Variants in SUZ12 observed in about 807,000 individuals in gnomAD.
The protein encoded by SUZ12 is SUZ12 polycomb repressive complex 2 subunit, also known as polycomb protein SUZ12.
In SUZ12, 17 loss-of-function variants were observed where a neutral mutation model predicts 87.3. The ratio of observed to expected loss-of-function variants is 0.19; its 90% CI spans 0.13 to 0.29. The LOEUF (loss-of-function observed/expected upper bound fraction) is 0.29. Ranked by LOEUF, SUZ12 falls within the 10% of genes least tolerant of loss-of-function variation. The pLI, the probability that SUZ12 is intolerant of heterozygous loss-of-function variation, is 1.00. For missense variants in SUZ12, 526 were observed against 912.2 expected, an observed-to-expected ratio of 0.58 and a Z score of 5.45; for synonymous variants, 253 against 312.4, an observed-to-expected ratio of 0.81 and a Z score of 2.01.
intron 3 of SUZ12, among the ~76,000 whole-genome samples, chr17:31,943,806 T>TTCTGCCTCAGC (rs1422332265): frequency 6.6e-6 from 1 of 151,894 alleles, no homozygotes; most frequent in East Asian, 1.9e-4. Context: ...GTTCAAGCAA[T>TTCTGCCTCAGC]TCTGCCTCAG....
chr17:31,941,812 G>T (rs1906304337), intron 3 of SUZ12, among the ~76,000 whole-genome samples: 1 of 151,828 alleles, frequency 6.6e-6, no homozygotes, highest in Non-Finnish European at 1.5e-5. Context: ...GCCTCCCAAA[G>T]TGCTGGCATT....
At chr17:31,976,753 A>T (rs1441954210) in intron 8 of SUZ12, 139 bp downstream of exon 8, 1 of 655,910 alleles carries the variant, frequency 1.5e-6, no homozygotes, top group African/African-American at 1.8e-5. Context: ...AAATTTGCAA[A>T]CACTGAATTT....
intron 1 of SUZ12, 63 bp downstream of exon 1, chr17:31,937,583 C>G (rs1326198873): frequency 6.6e-7 from 1 of 1,521,344 alleles, no homozygotes; most frequent in Middle Eastern, 2.3e-4. Flanking sequence ...GGATGGGACA[C>G]TCTGCTGGGC....
At position 31,976,425 on chromosome 17, in the gene SUZ12, T is replaced by C. The variant is rs1227417384; in HGVS notation, c.824-96T>C. The C allele has an allele frequency of 6.0e-6, 6 of 995,402 alleles. No homozygotes were observed. In the African/African-American group the frequency reaches 9.8e-5, roughly 16 times the overall value. 61.7% of individuals were successfully genotyped at this position (995,402 alleles called of 1,614,324 possible). ...ACTTTAGTGTAATTCGTACCTCATT[T>C]GGGATAAATGTAGCATGTTTTATGT... On this transcript the variant is annotated intron_variant, in intron 7 of 15. Transcript: ENST00000322652.
chr17:31,974,819 TAA>T (rs1908648873), intron 6 of SUZ12, among the ~76,000 whole-genome samples: 1 of 152,200 alleles, frequency 6.6e-6, no homozygotes, highest in Non-Finnish European at 1.5e-5. Flanking sequence ...GATACTGTCA[TAA>T]AAGTCTTCTG....
intron 4 of SUZ12, among the ~76,000 whole-genome samples, chr17:31,956,511 T>C (rs542779888): frequency 2.0e-5 from 3 of 152,224 alleles, no homozygotes; most frequent in South Asian, 4.1e-4. Context: ...TATATAGTTA[T>C]TGTTTCTGCA....
chr17:31,983,445 A>G (rs1909229311), intron 9 of SUZ12, among the ~76,000 whole-genome samples: 1 of 145,468 alleles, frequency 6.9e-6, no homozygotes, highest in Admixed American at 6.7e-5. Context: ...ACGCCTGGCT[A>G]ATTTTTTTTT....
rs1458827007 is a variant in SUZ12 at position 31,937,150 on chromosome 17, C to G, written c.-97C>G. On this transcript the variant is annotated 5_prime_UTR_variant, in exon 1 of 16. Transcript: ENST00000322652. ...CTCTCTCCTCCTTCCCCCCTCGGTCCGCCGGAGCCTGCTGGGGCGAGCGGT... is the reference window on the plus strand; with the variant it reads ...CTCTCTCCTCCTTCCCCCCTCGGTCGGCCGGAGCCTGCTGGGGCGAGCGGT... The G allele has an allele frequency of 8.1e-6, 9 of 1,105,230 alleles. No homozygotes were observed. The South Asian group carries it at 1.8e-4, about 23-fold the overall frequency. The allele number at this position is 1,105,230 out of a possible 1,614,324, so 68.5% of individuals were successfully genotyped here. A position where few individuals can be genotyped will look rare whatever the true frequency, so the allele number is the denominator to read the frequency against.
At chr17:31,974,377 A>C (rs1247292498) in intron 6 of SUZ12, among the ~76,000 whole-genome samples, 2 of 152,186 alleles carry the variant, frequency 1.3e-5, no homozygotes, top group Non-Finnish European at 2.9e-5. Context: ...AATATAAAAA[A>C]TTAGCCAGGC....
intron 4 of SUZ12, among the ~76,000 whole-genome samples, chr17:31,957,895 CTTTTTTTTTTTTT>C (rs1181314058): frequency 9.9e-5 from 9 of 91,330 alleles, no homozygotes; most frequent in African/African-American, 8.1e-5. Flanking sequence ...ACCTTTTGTC[CTTTTTTTTTTTTT>C]TTTTTTTTTT....
chr17:31,958,138 A>G (rs999153876), intron 4 of SUZ12, among the ~76,000 whole-genome samples: 17 of 149,598 alleles, frequency 1.1e-4, no homozygotes, highest in African/African-American at 3.9e-4. Flanking sequence ...TCCTGACCTC[A>G]TGATCCGCCC....
chr17:31,961,692 T>G (rs9906490), intron 4 of SUZ12, among the ~76,000 whole-genome samples: 1 of 152,198 alleles, frequency 6.6e-6, no homozygotes, highest in Non-Finnish European at 1.5e-5. Context: ...AGTCTCAATT[T>G]CTTGAGTTGT....
chr17:31,937,668 A>G, intron 1 of SUZ12, 148 bp downstream of exon 1: 1 of 1,202,102 alleles, frequency 8.3e-7, no homozygotes, highest in South Asian at 1.4e-5. Flanking sequence ...TTCGGAGATT[A>G]CGTCTCCAGG....
chr17:31,949,671 C>A (rs1906835350), intron 4 of SUZ12, among the ~76,000 whole-genome samples: 3 of 76,906 alleles, frequency 3.9e-5, no homozygotes, highest in Non-Finnish European at 8.3e-5. Flanking sequence ...CCCCCCCCCC[C>A]CCCCCTTTTT....
At chr17:31,962,202 G>A (rs561040379) in intron 4 of SUZ12, among the ~76,000 whole-genome samples, 1 of 152,322 alleles carries the variant, frequency 6.6e-6, no homozygotes, top group East Asian at 1.9e-4. Flanking sequence ...TGGGGAGGCT[G>A]AGGTGGGATG....
chr17:31,983,772 T>A (rs1909254905), intron 9 of SUZ12, among the ~76,000 whole-genome samples: 1 of 152,192 alleles, frequency 6.6e-6, no homozygotes, highest in African/African-American at 2.4e-5. Flanking sequence ...GCTCAATAAA[T>A]GTTAACGGCT....
At chr17:31,949,676 C>CTTTTTTTTTTTTT (rs71360790) in intron 4 of SUZ12, among the ~76,000 whole-genome samples, 1 of 12,372 alleles carries the variant, frequency 8.1e-5, no homozygotes, top group African/African-American at 3.5e-4. Context: ...CCCCCCCCCC[C>CTTTTTTTTTTTTT]TTTTTTTTTT....
At chr17:31,944,535 A>G (rs1906501593) in intron 3 of SUZ12, among the ~76,000 whole-genome samples, 1 of 152,208 alleles carries the variant, frequency 6.6e-6, no homozygotes, top group African/African-American at 2.4e-5. Context: ...TAATTTTAAA[A>G]GCTTGGTTAA....
At chr17:31,963,506 TTTG>T (rs1354971904) in intron 4 of SUZ12, among the ~76,000 whole-genome samples, 863 of 131,660 alleles carry the variant, frequency 6.6e-3, no homozygotes, top group African/African-American at 0.033. Flanking sequence ...TTTGTTTTGT[TTTG>T]TTTTTTGAGA....
Sources: allele counts gnomAD v4.1 joint callset (sites outside exome capture counted in the v4.1 genomes callset), GRCh38; gene constraint gnomAD v4.1.1; transcripts MANE v1.5; gene names NCBI Gene and HGNC (gene_info 2026-07-23, HGNC 2026-07-21).